The following FRMPD4 variants were observed in gnomAD, a reference collection of about 807,000 sequenced individuals.
FRMPD4 encodes the protein FERM and PDZ domain containing 4.
A neutral mutation model predicts 94.1 loss-of-function variants in FRMPD4; 22 were observed. The ratio of observed to expected loss-of-function variants is 0.23; its 90% confidence interval spans 0.17 to 0.33. FRMPD4 has a LOEUF of 0.33. Ranked by LOEUF, FRMPD4 falls within the 10% of genes least tolerant of loss-of-function variation. FRMPD4 has a pLI of 1.00. For synonymous variants in FRMPD4, 631 were observed against 548.6 expected (o/e 1.15, Z -2.10); for missense variants, 1,111 against 1,339.9 (o/e 0.83, Z 2.67).
intron 3 of FRMPD4, among the ~76,000 whole-genome samples, chrX:12,053,424 A>G (rs866494397): frequency 1.7e-4 from 16 of 96,110 alleles, no homozygotes; most frequent in Non-Finnish European, 3.4e-4. Flanking sequence ...GAAAGAAAGA[A>G]AGAAAGAGAA....
At chrX:12,293,285 A>G (rs2054717528) in intron 1 of FRMPD4, among the ~76,000 whole-genome samples, 1 of 112,398 alleles carries the variant, frequency 8.9e-6, no homozygotes. Flanking sequence ...TTGGTATCCA[A>G]TGTAAATTAT....
At chrX:12,025,697 T>C (rs2054656317) in intron 3 of FRMPD4, among the ~76,000 whole-genome samples, 1 of 112,225 alleles carries the variant, frequency 8.9e-6, no homozygotes, top group Non-Finnish European at 1.9e-5. Context: ...AACTGCCTGA[T>C]GGAGAGAACC....
chrX:12,342,486 C>T (rs1457584846), intron 1 of FRMPD4, among the ~76,000 whole-genome samples: 1 of 111,869 alleles, frequency 8.9e-6, no homozygotes, highest in Non-Finnish European at 1.9e-5. Flanking sequence ...GACCTGGAAC[C>T]GGTGCCCTTG....
intron 4 of FRMPD4, among the ~76,000 whole-genome samples, chrX:12,619,252 C>T (rs2059265543): frequency 8.9e-6 from 1 of 111,973 alleles, no homozygotes; most frequent in Non-Finnish European, 1.9e-5. Flanking sequence ...ACATGTCACC[C>T]CTTCTATACT....
intron 6 of FRMPD4, 42 bp downstream of exon 6, chrX:12,683,629 A>C: frequency 1.5e-6 from 1 of 667,026 alleles, no homozygotes; most frequent in Non-Finnish European, 2.4e-6. Flanking sequence ...GGGAGAGTCA[A>C]TGAGGCAGAA....
chrX:12,234,224 A>T (rs1236465119), intron 1 of FRMPD4, among the ~76,000 whole-genome samples: 2 of 111,023 alleles, frequency 1.8e-5, no homozygotes, highest in African/African-American at 6.6e-5. Context: ...TCTACAGAGG[A>T]TGTTCTTTCA....
intron 1 of FRMPD4, among the ~76,000 whole-genome samples, chrX:12,340,181 A>T (rs1243467504): frequency 8.9e-6 from 1 of 112,516 alleles, no homozygotes; most frequent in Non-Finnish European, 1.9e-5. Flanking sequence ...ACACCAATAC[A>T]GTGTTGATGG....
intron 14 of FRMPD4, 67 bp from the exon 15 acceptor site, chrX:12,716,002 C>CGG: frequency 6.1e-6 from 1 of 162,720 alleles, no homozygotes; most frequent in East Asian, 1.5e-4. Flanking sequence ...AGACGAGCCT[C>CGG]CCACCCCCGC....
At chrX:12,014,823 G>A (rs984331649) in intron 3 of FRMPD4, among the ~76,000 whole-genome samples, 2 of 111,178 alleles carry the variant, frequency 1.8e-5, no homozygotes, top group African/African-American at 3.3e-5. Flanking sequence ...CAGTGGAGGC[G>A]ATAACTGCAT....
intron 1 of FRMPD4, among the ~76,000 whole-genome samples, chrX:12,388,850 T>TATATATATATATATATAC (rs1491368741): frequency 8.6e-4 from 63 of 73,414 alleles, no homozygotes; most frequent in African/African-American, 3.8e-3. Flanking sequence ...TATATATATA[T>TATATATATATATATATAC]ACACACAATG....
intron 3 of FRMPD4, among the ~76,000 whole-genome samples, chrX:12,058,499 G>A (rs867585947): frequency 1.8e-5 from 2 of 110,705 alleles, no homozygotes; most frequent in Middle Eastern, 4.6e-3. Flanking sequence ...AAATAAAATG[G>A]CTTTAAGCTC....
chrX:12,495,063 A>G, intron 1 of FRMPD4: 2 of 680,099 alleles, frequency 2.9e-6, no homozygotes, highest in Non-Finnish European at 3.5e-6. Context: ...CACAGCTGGG[A>G]TTTCTGGTAA....
At chrX:11,992,987 G>C (rs375652310) in intron 3 of FRMPD4, among the ~76,000 whole-genome samples, 1 of 89,298 alleles carries the variant, frequency 1.1e-5, no homozygotes, top group Non-Finnish European at 2.3e-5. Flanking sequence ...CTGGTCCTTT[G>C]TTTTTTTTTT....
intron 1 of FRMPD4, among the ~76,000 whole-genome samples, chrX:12,175,616 C>A (rs1265343296): frequency 2.7e-5 from 3 of 112,149 alleles, no homozygotes; most frequent in Non-Finnish European, 3.8e-5. Context: ...ACAGTTCAAG[C>A]GATTCTGCTG....
At chrX:11,983,226 A>T (rs1217447650) in intron 3 of FRMPD4, among the ~76,000 whole-genome samples, 1 of 112,061 alleles carries the variant, frequency 8.9e-6, no homozygotes, top group Non-Finnish European at 1.9e-5. Context: ...GTCTAGATAG[A>T]TATTTATTTG....
chrX:12,010,632 T>C (rs900606774), intron 3 of FRMPD4, among the ~76,000 whole-genome samples: 3 of 112,469 alleles, frequency 2.7e-5, no homozygotes, highest in African/African-American at 9.7e-5. Flanking sequence ...AATAAAACTT[T>C]ATTTACAAAA....
intron 2 of FRMPD4, among the ~76,000 whole-genome samples, chrX:11,873,406 T>A (rs886652106): frequency 9.0e-6 from 1 of 111,213 alleles, no homozygotes; most frequent in Non-Finnish European, 1.9e-5. Flanking sequence ...TCTGTACAAG[T>A]TATATAGTGA....
intron 1 of FRMPD4, among the ~76,000 whole-genome samples, chrX:12,301,722 A>C (rs2054862335): frequency 8.9e-6 from 1 of 112,638 alleles, no homozygotes; most frequent in Non-Finnish European, 1.9e-5. Flanking sequence ...ATGACCATAT[A>C]GTAAACACTC....
chrX:12,651,223 G>T lies in FRMPD4; in HGVS notation c.423-23640G>T, dbSNP rs1898646. On this transcript the variant is annotated intron_variant, in intron 4 of 16. Transcript: ENST00000675598. ...TACGTAGCTGCATGTCTAGGCAGAA[G>T]TTTATTGAAGCAAATGTAATGGCCA... is the stretch of plus-strand genomic sequence containing the variant. Among the ~76,000 whole-genome samples, 860 of 111,973 alleles carry T rather than the reference G, an allele frequency of 7.7e-3. 11 individuals carry two copies. Among genetic ancestry groups the T allele is most frequent in the African/African-American group, 0.027 (827 of 30,867 alleles).
Sources: allele counts gnomAD v4.1 joint callset (sites outside exome capture counted in the v4.1 genomes callset), GRCh38; gene constraint gnomAD v4.1.1; transcripts MANE v1.5; gene names NCBI Gene and HGNC (gene_info 2026-07-23, HGNC 2026-07-21).